ZHX2: variants seen among roughly 807,000 people sequenced by gnomAD.
ZHX2 encodes zinc fingers and homeoboxes protein 2.
Under a neutral mutation model 21.9 loss-of-function variants are expected in ZHX2, and 6 were observed. The observed-to-expected ratio is 0.27, with a 90% confidence interval of 0.15 to 0.54. ZHX2 has a LOEUF of 0.54. ZHX2 is among the 20% of genes least tolerant of loss of function. The probability of loss-of-function intolerance (pLI) is 0.95; values close to 1 mark genes in which losing one functional copy is unlikely to be tolerated. For synonymous variants in ZHX2, 434 were observed against 437.1 expected (o/e 0.99, Z 0.09); for missense variants, 908 against 1,090.7 (o/e 0.83, Z 2.36).
At chr8:122,944,933 A>G (rs1812932985) in intron 2 of ZHX2, among the ~76,000 whole-genome samples, 1 of 152,166 alleles carries the variant, frequency 6.6e-6, no homozygotes, top group Non-Finnish European at 1.5e-5. Flanking sequence ...CCCTAATCCA[A>G]TATAACTGAT....
intron 2 of ZHX2, among the ~76,000 whole-genome samples, chr8:122,928,371 G>A (rs1820905125): frequency 6.6e-6 from 1 of 152,180 alleles, no homozygotes; most frequent in Non-Finnish European, 1.5e-5. Flanking sequence ...AAAATATTTG[G>A]CAAGGAGAAG....
intron 1 of ZHX2, among the ~76,000 whole-genome samples, chr8:122,848,076 G>A (rs923172977): frequency 1.3e-5 from 2 of 152,198 alleles, no homozygotes; most frequent in African/African-American, 2.4e-5. Flanking sequence ...TCCTTTGGTC[G>A]GCTCAGTTGA....
At chr8:122,912,591 C>T (rs1820508406) in intron 2 of ZHX2, among the ~76,000 whole-genome samples, 1 of 152,208 alleles carries the variant, frequency 6.6e-6, no homozygotes, top group Non-Finnish European at 1.5e-5. Context: ...CACTTATATT[C>T]TGAGACCCTG....
At chr8:122,783,708 C>T (rs959066866) in intron 1 of ZHX2, among the ~76,000 whole-genome samples, 1 of 152,096 alleles carries the variant, frequency 6.6e-6, no homozygotes, top group African/African-American at 2.4e-5. Flanking sequence ...TGTAAAATGG[C>T]ATGTTTAATA....
chr8:122,835,133 T>A (rs894236272), intron 1 of ZHX2, among the ~76,000 whole-genome samples: 2 of 152,196 alleles, frequency 1.3e-5, no homozygotes, highest in African/African-American at 4.8e-5. Flanking sequence ...TTTTCTAATA[T>A]AAGAGGTAGC....
intron 1 of ZHX2, among the ~76,000 whole-genome samples, chr8:122,848,910 G>A (rs181509931): frequency 1.3e-5 from 2 of 152,314 alleles, no homozygotes; most frequent in African/African-American, 2.4e-5. Context: ...CAGACTCTAC[G>A]CAGTCCTGAG....
intron 1 of ZHX2, among the ~76,000 whole-genome samples, chr8:122,830,509 A>AGGGGGTGGTGTGGGCAC (rs1818352697): frequency 6.6e-6 from 1 of 152,202 alleles, no homozygotes; most frequent in Non-Finnish European, 1.5e-5. Flanking sequence ...GGCGGGACAT[A>AGGGGGTGGTGTGGGCAC]GGGGGTGGTG....
At chr8:122,955,344 TC>T (rs554055725) in intron 3 of ZHX2, among the ~76,000 whole-genome samples, 3 of 152,184 alleles carry the variant, frequency 2.0e-5, no homozygotes, top group South Asian at 4.2e-4. Flanking sequence ...GGAATGGGCC[TC>T]CCAAGTTATC....
intron 2 of ZHX2, among the ~76,000 whole-genome samples, chr8:122,924,592 T>C (rs2130102268): frequency 6.6e-6 from 1 of 152,238 alleles, no homozygotes; most frequent in South Asian, 2.1e-4. Flanking sequence ...CAGTCTCTCT[T>C]GATCTCCACA....
chr8:122,868,571 G>T (rs1819353884), intron 2 of ZHX2, among the ~76,000 whole-genome samples: 1 of 152,010 alleles, frequency 6.6e-6, no homozygotes, highest in African/African-American at 2.4e-5. Context: ...CATGGTGGCA[G>T]GCACCTGTAG....
At chr8:122,934,141 A>G (rs1402333773) in intron 2 of ZHX2, among the ~76,000 whole-genome samples, 1 of 152,300 alleles carries the variant, frequency 6.6e-6, no homozygotes, top group Admixed American at 6.5e-5. Flanking sequence ...TCACACCCCT[A>G]TGAGGTGGTC....
chr8:122,789,916 G>A (rs11992046), intron 1 of ZHX2, among the ~76,000 whole-genome samples: 247 of 152,306 alleles, frequency 1.6e-3, no homozygotes, highest in African/African-American at 5.8e-3. Context: ...AGGAGAGCCC[G>A]AAGACTTCAC....
rs140185712 is a variant in ZHX2 at position 122,965,031 on chromosome 8, C to CTT, written c.*5-8210_*5-8209insTT. Among the ~76,000 whole-genome samples, 874 of 111,500 alleles carry CTT rather than the reference C, an allele frequency of 7.8e-3. 9 individuals carry two copies. Among genetic ancestry groups the CTT allele is most frequent in the Middle Eastern group, 0.012 (2 of 170 alleles). The allele number at this position is 111,500 out of a possible 152,430, so 73.1% of individuals were successfully genotyped here. On this transcript the variant is annotated intron_variant, in intron 3 of 3. Transcript: ENST00000314393. ...TGAGTTTATTTGGATCTTCTCTCTTCTGTTTTTTTTTTTTTTGGTTAATCT... is the reference window on the plus strand; with the variant it reads ...TGAGTTTATTTGGATCTTCTCTCTTCTTTGTTTTTTTTTTTTTTGGTTAATCT...
chr8:122,814,709 G>A (rs1586584318), intron 1 of ZHX2, among the ~76,000 whole-genome samples: 1 of 152,202 alleles, frequency 6.6e-6, no homozygotes, highest in Non-Finnish European at 1.5e-5. Context: ...GGGGTGTCTG[G>A]CACCCTCTGT....
intron 2 of ZHX2, among the ~76,000 whole-genome samples, chr8:122,874,397 A>G (rs1343281911): frequency 6.6e-6 from 1 of 152,188 alleles, no homozygotes; most frequent in Non-Finnish European, 1.5e-5. Context: ...GGAGTGCACA[A>G]TCTCAGCTTA....
chr8:122,921,980 G>T (rs1436377288), intron 2 of ZHX2, among the ~76,000 whole-genome samples: 3 of 152,146 alleles, frequency 2.0e-5, no homozygotes, highest in Non-Finnish European at 4.4e-5. Flanking sequence ...AAGAACAAAT[G>T]ATAGGCTGGA....
chr8:122,949,007 A>AT (rs1300426748), intron 2 of ZHX2, among the ~76,000 whole-genome samples: 2 of 152,174 alleles, frequency 1.3e-5, no homozygotes, highest in Non-Finnish European at 2.9e-5. Flanking sequence ...AACGTTAAAA[A>AT]ATATATAATA....
At chr8:122,896,357 G>C (rs1820101286) in intron 2 of ZHX2, among the ~76,000 whole-genome samples, 2 of 152,076 alleles carry the variant, frequency 1.3e-5, no homozygotes, top group South Asian at 4.1e-4. Flanking sequence ...GTATTTCATG[G>C]AATTCTTGGG....
At chr8:122,812,064 A>T (rs909834476) in intron 1 of ZHX2, 2 of 152,242 alleles carry the variant, frequency 1.3e-5, no homozygotes, top group Non-Finnish European at 2.9e-5. Flanking sequence ...GGTCATTGTT[A>T]TAGAAAAACA....
Sources: gnomAD v4.1 joint callset for allele counts (sites outside exome capture counted in the v4.1 genomes callset) on GRCh38, gnomAD v4.1.1 for gene constraint, MANE v1.5 for transcripts, NCBI Gene and HGNC (gene_info 2026-07-23, HGNC 2026-07-21) for gene names.